The following PLSCR5 variants were observed in gnomAD, a reference collection of about 807,000 sequenced individuals.
The protein encoded by PLSCR5 is phospholipid scramblase family member 5, also known as phospholipid scramblase family, member 5.
A neutral mutation model predicts 33.6 loss-of-function variants in PLSCR5; 44 were observed. The ratio of observed to expected loss-of-function variants is 1.31; its 90% CI spans 1.03 to 1.69. The LOEUF (loss-of-function observed/expected upper bound fraction) is 1.69, where lower values mean the gene tolerates loss of function less well. Among genes scored for constraint, PLSCR5 ranks in the 40% most tolerant of loss-of-function variants. PLSCR5 has a pLI of 0.00. For missense variants in PLSCR5, 375 were observed against 318.7 expected, an observed-to-expected ratio of 1.18 and a Z score of -1.34; for synonymous variants, 148 against 112.3, an observed-to-expected ratio of 1.32 and a Z score of -2.01.
At chr3:146,598,264 G>T (rs1306002498) in intron 2 of PLSCR5, among the ~76,000 whole-genome samples, 1 of 151,654 alleles carries the variant, frequency 6.6e-6, no homozygotes. Flanking sequence ...TTTGATTTTT[G>T]TGGCTTTTAG....
chr3:146,581,455 G>C (rs2044632245), downstream of PLSCR5, among the ~76,000 whole-genome samples: 1 of 152,162 alleles, frequency 6.6e-6, no homozygotes, highest in Admixed American at 6.5e-5. Context: ...TGCTGACATT[G>C]ATGCCTAGTG....
chr3:146,600,288 C>A lies in PLSCR5; in HGVS notation c.189G>T (p.Gln63His). The A allele has an allele frequency of 6.4e-7, 1 of 1,557,604 alleles. No homozygotes were observed. The highest frequency in any genetic ancestry group is 1.2e-5 in the South Asian group (1 of 81,990). ...SLPPGLEYLS[Q>H]LDLIIIHQQV... Reference sequence around the variant, plus strand: ...TGTAGTAATAGAAAGATAAAAACACCTGGCTTAAATATTCTAGACCAGGAG... The same window carrying A: ...TGTAGTAATAGAAAGATAAAAACACATGGCTTAAATATTCTAGACCAGGAG... The change falls in exon 2 of 8, where the codon CAG becomes CAT. Residue 63 changes from glutamine to histidine, a missense_variant and splice_region_variant. By Grantham distance (24) the Gln-to-His change is conservative (BLOSUM62 0). Coordinates refer to ENST00000443512, the MANE Select transcript of PLSCR5 (RefSeq NM_001085420.2).
chr3:146,576,676 G>A (rs1344283844), exon 8 of PLSCR5: 1 of 151,910 alleles, frequency 6.6e-6, no homozygotes. Flanking sequence ...GTGAGGTCCA[G>A]TGCAGGCCAT....
intron 2 of PLSCR5, among the ~76,000 whole-genome samples, chr3:146,596,830 G>A (rs1033594717): frequency 6.6e-6 from 1 of 151,786 alleles, no homozygotes; most frequent in African/African-American, 2.4e-5. Flanking sequence ...TAATATGTGT[G>A]GCCTCTTTTT....
At chr3:146,592,049 T>C (rs577906460) in intron 4 of PLSCR5, among the ~76,000 whole-genome samples, 168 bp from the exon 5 acceptor site, 1 of 152,226 alleles carries the variant, frequency 6.6e-6, no homozygotes, top group African/African-American at 2.4e-5. Context: ...TAAAATATTT[T>C]ACAGAAAACA....
intron 2 of PLSCR5, among the ~76,000 whole-genome samples, chr3:146,598,236 C>A (rs2044779622): frequency 1.3e-5 from 2 of 151,654 alleles, no homozygotes; most frequent in South Asian, 4.2e-4. Context: ...GTACTATTTC[C>A]AAATGTTCAT....
chr3:146,578,123 G>A (rs2044610369), intron 7 of PLSCR5, among the ~76,000 whole-genome samples: 1 of 151,904 alleles, frequency 6.6e-6, no homozygotes, highest in African/African-American at 2.4e-5. Flanking sequence ...TATTGAAGAG[G>A]CAATGAAATG....
downstream of PLSCR5, among the ~76,000 whole-genome samples, chr3:146,581,236 T>G (rs2044631164): frequency 6.6e-6 from 1 of 152,246 alleles, no homozygotes; most frequent in African/African-American, 2.4e-5. Flanking sequence ...TTATAAATTG[T>G]GTCTTGCAAA....
At chr3:146,582,179 G>A (rs144456856), downstream of PLSCR5, among the ~76,000 whole-genome samples, 417 of 152,334 alleles carry the variant, frequency 2.7e-3, 2 homozygotes, top group Admixed American at 5.2e-3. Flanking sequence ...CAGTTAGGGT[G>A]GGTCCTGGGT....
chr3:146,603,949 G>T (rs1701656955), intron 1 of PLSCR5, among the ~76,000 whole-genome samples: 1 of 152,044 alleles, frequency 6.6e-6, no homozygotes, highest in African/African-American at 2.4e-5. Context: ...GATTCTGAGG[G>T]ACTGAGGGAC....
At chr3:146,603,546 T>C (rs571354849) in intron 1 of PLSCR5, among the ~76,000 whole-genome samples, 144 of 152,244 alleles carry the variant, frequency 9.5e-4, no homozygotes, top group Non-Finnish European at 1.7e-3. Context: ...ACATCACTGC[T>C]TCCTGTTAGA....
chr3:146,596,009 T>C (rs2044757658), intron 2 of PLSCR5, among the ~76,000 whole-genome samples: 1 of 152,186 alleles, frequency 6.6e-6, no homozygotes, highest in Admixed American at 6.5e-5. Flanking sequence ...CAAATAAATG[T>C]TATGGCACTA....
chr3:146,583,708 A>C (rs1043700021), downstream of PLSCR5, among the ~76,000 whole-genome samples: 1 of 152,182 alleles, frequency 6.6e-6, no homozygotes, highest in South Asian at 2.1e-4. Context: ...GCCAATTTTT[A>C]AATGAGTGAT....
chr3:146,585,674 T>C (rs1488996705), downstream of PLSCR5, among the ~76,000 whole-genome samples: 1 of 152,084 alleles, frequency 6.6e-6, no homozygotes, highest in East Asian at 1.9e-4. Flanking sequence ...CTCTAAACAT[T>C]GAATTTTCAT....
chr3:146,595,110 A>G (rs1255691856), intron 2 of PLSCR5, 27 bp from the exon 3 acceptor site: 6 of 1,330,950 alleles, frequency 4.5e-6, no homozygotes, highest in Non-Finnish European at 5.0e-6. Flanking sequence ...AAAAGGAAAT[A>G]AAAAGTATTA....
chr3:146,589,219 T>G lies in PLSCR5; in HGVS notation c.777+434A>C, dbSNP rs187187234. Among the ~76,000 whole-genome samples, 232 of 152,326 alleles carry G rather than the reference T, an allele frequency of 1.5e-3. 1 individual carries two copies. Among genetic ancestry groups the G allele is most frequent in the African/African-American group, 5.1e-3 (214 of 41,586 alleles). ...CTCATCAAATCATTTCATGTGTCTA[T>G]GTTCACACTGAGAAGGCAACATTCT... On this transcript the variant is annotated intron_variant, in intron 6 of 7. Coordinates refer to ENST00000443512, the MANE Select transcript of PLSCR5 (RefSeq NM_001085420.2).
intron 7 of PLSCR5, among the ~76,000 whole-genome samples, chr3:146,577,053 C>T (rs1237458354): frequency 6.6e-6 from 1 of 151,956 alleles, no homozygotes; most frequent in African/African-American, 2.4e-5. Context: ...TTAATTGGTA[C>T]AGAATGAGGT....
At chr3:146,581,758 A>G (rs1174299278), downstream of PLSCR5, among the ~76,000 whole-genome samples, 1 of 152,228 alleles carries the variant, frequency 6.6e-6, no homozygotes, top group East Asian at 1.9e-4. Context: ...CAATGTATAG[A>G]TATATTTCAA....
chr3:146,601,598 GC>G (rs144469380), intron 1 of PLSCR5, among the ~76,000 whole-genome samples: 13,909 of 152,128 alleles, frequency 0.091, 846 homozygotes, highest in Middle Eastern at 0.16. Flanking sequence ...AATTGCTTCT[GC>G]ATTGACAACA....
Sources: allele counts gnomAD v4.1 joint callset (sites outside exome capture counted in the v4.1 genomes callset), GRCh38; gene constraint gnomAD v4.1.1; transcripts MANE v1.5; gene names NCBI Gene and HGNC (gene_info 2026-07-23, HGNC 2026-07-21).